The following STOX2 variants were observed in gnomAD, a reference collection of about 807,000 sequenced individuals.
The protein encoded by STOX2 is storkhead-box protein 2.
STOX2 carries 28 observed loss-of-function variants against 60.9 expected under a neutral mutation model. That is an observed-to-expected ratio of 0.46 (90% CI 0.34 to 0.63). The LOEUF (loss-of-function observed/expected upper bound fraction) is 0.63, where lower values mean the gene tolerates loss of function less well. STOX2 is among the 30% of genes least tolerant of loss of function. STOX2 has a pLI of 0.01. For missense variants in STOX2, 1,024 were observed against 1,187.7 expected, an observed-to-expected ratio of 0.86 and a Z score of 2.03; for synonymous variants, 472 against 463.9, an observed-to-expected ratio of 1.02 and a Z score of -0.22.
chr4:183,829,058 A>G (rs1739501062), intron 1 of STOX2, among the ~76,000 whole-genome samples: 1 of 152,254 alleles, frequency 6.6e-6, no homozygotes, highest in Admixed American at 6.5e-5. Context: ...GGCAACATTT[A>G]TAAAGTTGAC....
chr4:183,862,949 C>T (rs1274068997), intron 1 of STOX2, among the ~76,000 whole-genome samples: 1 of 152,090 alleles, frequency 6.6e-6, no homozygotes. Context: ...CTGGGAGGGC[C>T]TAAGGCTTGT....
At chr4:183,886,392 C>T (rs1281435416) in intron 1 of STOX2, among the ~76,000 whole-genome samples, 1 of 152,184 alleles carries the variant, frequency 6.6e-6, no homozygotes, top group African/African-American at 2.4e-5. Flanking sequence ...AGGCCTTGTA[C>T]CTAAGAGATG....
In STOX2 at chr4:183,888,745, G is replaced by A. The variant is rs543915838; in HGVS notation, c.364+90690G>A. ...CTGCACAGGAATGAGACAGACTCTTGCTCCTGTTAATGAGCATTAAACATC... is the reference window on the plus strand; with the variant it reads ...CTGCACAGGAATGAGACAGACTCTTACTCCTGTTAATGAGCATTAAACATC... On this transcript the variant is annotated intron_variant, in intron 1 of 2. Transcript: ENST00000513034. Among the ~76,000 whole-genome samples, 6 of 152,278 alleles carry A rather than the reference G, an allele frequency of 3.9e-5. No homozygotes were observed. In the East Asian group the frequency reaches 1.2e-3, roughly 29 times the overall value.
At chr4:183,896,542 A>G (rs965665778) in intron 1 of STOX2, among the ~76,000 whole-genome samples, 14 of 152,146 alleles carry the variant, frequency 9.2e-5, no homozygotes, top group African/African-American at 3.4e-4. Context: ...GGATCTTGTT[A>G]TGTTGCCCAG....
At chr4:183,819,391 G>A (rs539935695) in intron 1 of STOX2, among the ~76,000 whole-genome samples, 2 of 152,012 alleles carry the variant, frequency 1.3e-5, no homozygotes, top group South Asian at 2.1e-4. Flanking sequence ...AAAAAAATAC[G>A]AAAACCAGTC....
intron 2 of STOX2, among the ~76,000 whole-genome samples, chr4:184,007,604 C>A (rs1451987416): frequency 6.6e-6 from 1 of 152,200 alleles, no homozygotes; most frequent in African/African-American, 2.4e-5. Context: ...CAGCTGTCTT[C>A]ATTTGCTAGG....
At chr4:183,872,352 G>A (rs1323480113) in intron 1 of STOX2, among the ~76,000 whole-genome samples, 4 of 152,042 alleles carry the variant, frequency 2.6e-5, no homozygotes, top group Admixed American at 2.6e-4. Flanking sequence ...CACTGTGCCC[G>A]GCCAAGTGGA....
At chr4:183,988,197 A>C (rs1429828165) in intron 1 of STOX2, 1 of 152,014 alleles carries the variant, frequency 6.6e-6, no homozygotes, top group Non-Finnish European at 1.5e-5. Flanking sequence ...GCGATGACTC[A>C]TTTCAGTTCA....
intron 1 of STOX2, among the ~76,000 whole-genome samples, chr4:183,868,134 T>C (rs1391148344): frequency 1.3e-5 from 2 of 151,342 alleles, no homozygotes; most frequent in Admixed American, 6.6e-5. Flanking sequence ...CTCGGTGGCA[T>C]CTGAGGAGAA....
intron 1 of STOX2, among the ~76,000 whole-genome samples, chr4:183,884,689 A>T (rs1387900956): frequency 6.6e-6 from 1 of 152,150 alleles, no homozygotes. Context: ...TCCCATTCAT[A>T]CGTTTAGGCT....
intron 1 of STOX2, among the ~76,000 whole-genome samples, chr4:183,991,129 C>G (rs1733087466): frequency 1.3e-5 from 2 of 152,146 alleles, no homozygotes; most frequent in South Asian, 2.1e-4. Context: ...TTGTAATTCT[C>G]TATCCACACT....
upstream of STOX2, among the ~76,000 whole-genome samples, chr4:183,901,368 A>T (rs1741454940): frequency 6.6e-6 from 1 of 152,164 alleles, no homozygotes; most frequent in South Asian, 2.1e-4. Flanking sequence ...TGTTGCTATG[A>T]ACATGGGGGT....
intron 1 of STOX2, among the ~76,000 whole-genome samples, chr4:183,849,861 T>C (rs973381829): frequency 6.6e-6 from 1 of 152,260 alleles, no homozygotes; most frequent in Non-Finnish European, 1.5e-5. Context: ...ATGATTTTTT[T>C]CCCAGATTCC....
chr4:183,846,723 A>G (rs1420224011), intron 1 of STOX2, among the ~76,000 whole-genome samples: 2 of 152,140 alleles, frequency 1.3e-5, no homozygotes, highest in Non-Finnish European at 2.9e-5. Flanking sequence ...AAAATAGTCA[A>G]TTTAAAATCT....
chr4:183,879,088 C>T (rs769830123), intron 1 of STOX2, among the ~76,000 whole-genome samples: 11 of 152,152 alleles, frequency 7.2e-5, no homozygotes, highest in Non-Finnish European at 1.3e-4. Context: ...AGCCATAAAT[C>T]TCTCCCAAAT....
At chr4:183,868,518 G>A (rs1163704731) in intron 1 of STOX2, among the ~76,000 whole-genome samples, 1 of 152,238 alleles carries the variant, frequency 6.6e-6, no homozygotes, top group Admixed American at 6.5e-5. Context: ...ATGCTGGTGA[G>A]GTGGCAGAAC....
chr4:183,871,969 ATAACT>A (rs1239494342), intron 1 of STOX2, among the ~76,000 whole-genome samples: 4 of 152,196 alleles, frequency 2.6e-5, no homozygotes, highest in Non-Finnish European at 4.4e-5. Context: ...TATTAATGTA[ATAACT>A]TAATATGAAG....
intron 1 of STOX2, among the ~76,000 whole-genome samples, chr4:183,978,708 A>G (rs553245045): frequency 9.9e-5 from 15 of 152,228 alleles, no homozygotes; most frequent in Non-Finnish European, 2.1e-4. Flanking sequence ...CAGTCTCAAA[A>G]AGTTACATGC....
chr4:183,851,002 G>C (rs1426189763), intron 1 of STOX2, among the ~76,000 whole-genome samples: 2 of 142,900 alleles, frequency 1.4e-5, no homozygotes, highest in Non-Finnish European at 3.0e-5. Context: ...ATGAGGGAAA[G>C]GATGAGAGAA....
Sources: allele counts gnomAD v4.1 joint callset (sites outside exome capture counted in the v4.1 genomes callset), GRCh38; gene constraint gnomAD v4.1.1; transcripts MANE v1.5; gene names NCBI Gene and HGNC (gene_info 2026-07-23, HGNC 2026-07-21).